The following CCBE1 variants were observed in gnomAD, a reference collection of about 807,000 sequenced individuals.
The protein encoded by CCBE1 is collagen and calcium-binding EGF domain-containing protein 1.
In CCBE1, 37 loss-of-function variants were observed where a neutral mutation model predicts 50.0. That is an observed-to-expected ratio of 0.74 (90% confidence interval 0.57 to 0.97). The LOEUF is 0.97. Ranked by LOEUF, CCBE1 falls within the 50% of genes least tolerant of loss-of-function variation. The pLI, the probability that CCBE1 is intolerant of heterozygous loss-of-function variation, is 0.00. For synonymous variants in CCBE1, 234 were observed against 203.7 expected (o/e 1.15, Z -1.27); for missense variants, 538 against 523.8 (o/e 1.03, Z -0.26).
rs114902596 is a variant in CCBE1, at chr18:59,648,968, C to T, written c.212+47661G>A. Among the ~76,000 whole-genome samples, 1,129 of 152,338 alleles carry T rather than the reference C, an allele frequency of 7.4e-3. 7 individuals are homozygous for T. The highest frequency in any genetic ancestry group is 0.025 in the African/African-American group (1,038 of 41,578). ...TGGTGTCATCAGCTGATAATGCATA[C>T]ATCTACATCTGATCCCTACTGACAC... On this transcript the variant is annotated intron_variant, in intron 2 of 10. Coordinates refer to ENST00000439986, the MANE Select transcript of CCBE1 (RefSeq NM_133459.4).
intron 2 of CCBE1, among the ~76,000 whole-genome samples, chr18:59,535,955 T>C (rs1024803467): frequency 6.6e-6 from 1 of 152,212 alleles, no homozygotes; most frequent in Admixed American, 6.5e-5. Flanking sequence ...CCCAAAGTGT[T>C]TGGATTACAG....
intron 2 of CCBE1, among the ~76,000 whole-genome samples, chr18:59,642,124 A>G (rs2053998946): frequency 6.6e-6 from 1 of 152,240 alleles, no homozygotes; most frequent in African/African-American, 2.4e-5. Flanking sequence ...CTGACAAAGT[A>G]TTAGTATTAA....
chr18:59,567,107 G>A (rs765193082), intron 2 of CCBE1, among the ~76,000 whole-genome samples: 5 of 151,990 alleles, frequency 3.3e-5, no homozygotes, highest in Admixed American at 1.3e-4. Context: ...GGTTTTAAAC[G>A]CATTTTTTCT....
At chr18:59,553,240 A>G (rs1915992982) in intron 2 of CCBE1, among the ~76,000 whole-genome samples, 1 of 152,166 alleles carries the variant, frequency 6.6e-6, no homozygotes, top group African/African-American at 2.4e-5. Flanking sequence ...CATCACAGTC[A>G]TTAATTTAAT....
chr18:59,474,885 T>A (rs643549), intron 3 of CCBE1, among the ~76,000 whole-genome samples: 15 of 152,014 alleles, frequency 9.9e-5, no homozygotes, highest in African/African-American at 3.6e-4. Flanking sequence ...TTCAACCTTT[T>A]GGATTGTGCT....
chr18:59,501,251 T>C (rs375415715), intron 2 of CCBE1, among the ~76,000 whole-genome samples: 66 of 152,328 alleles, frequency 4.3e-4, no homozygotes, highest in African/African-American at 1.4e-3. Context: ...TTGGGGACCC[T>C]GTCCTGGGGC....
intron 2 of CCBE1, among the ~76,000 whole-genome samples, chr18:59,689,019 T>C (rs1172610360): frequency 6.6e-6 from 1 of 152,190 alleles, no homozygotes; most frequent in Non-Finnish European, 1.5e-5. Context: ...ATCTGGGACT[T>C]TGGGGGCCAA....
intron 2 of CCBE1, among the ~76,000 whole-genome samples, chr18:59,658,974 G>A (rs1340753458): frequency 6.6e-6 from 1 of 151,198 alleles, no homozygotes; most frequent in African/African-American, 2.4e-5. Flanking sequence ...GTGATGCTCA[G>A]GGTTCCATAA....
At chr18:59,463,642 C>G (rs1911597388) in intron 5 of CCBE1, among the ~76,000 whole-genome samples, 1 of 150,522 alleles carries the variant, frequency 6.6e-6, no homozygotes, top group Non-Finnish European at 1.5e-5. Context: ...CCGCAGGCCA[C>G]TCTCCCTCAC....
intron 4 of CCBE1, among the ~76,000 whole-genome samples, 160 bp from the exon 5 acceptor site, chr18:59,467,051 G>A (rs1372936476): frequency 6.6e-6 from 1 of 152,258 alleles, no homozygotes; most frequent in African/African-American, 2.4e-5. Flanking sequence ...AGAAATGTGG[G>A]TCATCCATAA....
intron 2 of CCBE1, among the ~76,000 whole-genome samples, chr18:59,552,838 G>A (rs1411570149): frequency 6.6e-6 from 1 of 152,184 alleles, no homozygotes; most frequent in Non-Finnish European, 1.5e-5. Flanking sequence ...TGAAATGAAT[G>A]TTTCGATTTG....
intron 2 of CCBE1, among the ~76,000 whole-genome samples, chr18:59,650,272 C>T (rs2054109752): frequency 2.0e-5 from 3 of 151,204 alleles, no homozygotes; most frequent in Admixed American, 1.3e-4. Context: ...TGCCCAGATA[C>T]AAAGTCAGGT....
At chr18:59,546,773 A>G (rs112565787) in intron 2 of CCBE1, among the ~76,000 whole-genome samples, 3,707 of 152,234 alleles carry the variant, frequency 0.024, 137 homozygotes, top group African/African-American at 0.084. Context: ...TGACATAGTC[A>G]AATATGTTAC....
intron 2 of CCBE1, among the ~76,000 whole-genome samples, chr18:59,651,459 G>C (rs559175124): frequency 6.6e-6 from 1 of 152,186 alleles, no homozygotes; most frequent in Non-Finnish European, 1.5e-5. Flanking sequence ...GCTCAGTTTA[G>C]CTCCTTTTTC....
intron 2 of CCBE1, among the ~76,000 whole-genome samples, chr18:59,600,825 C>G (rs1215188246): frequency 6.6e-6 from 1 of 152,040 alleles, no homozygotes; most frequent in African/African-American, 2.4e-5. Flanking sequence ...TTCACCTCAT[C>G]CCCTAGCCTT....
chr18:59,654,879 G>A (rs186060914), intron 2 of CCBE1, among the ~76,000 whole-genome samples: 6 of 151,346 alleles, frequency 4.0e-5, no homozygotes, highest in Admixed American at 1.3e-4. Context: ...GAGGCAGGTG[G>A]ATCACTTGAG....
At chr18:59,514,512 C>T (rs4558500) in intron 2 of CCBE1, among the ~76,000 whole-genome samples, 111,983 of 151,856 alleles carry the variant, frequency 0.74, 42,193 homozygotes, top group East Asian at 0.99. Flanking sequence ...TTCGGCTGGC[C>T]CAGACTCCGA....
Position 59,696,719 on chromosome 18 carries a change from A to C in CCBE1, c.132-10T>G, listed in dbSNP as rs1293902126. Reference sequence around the variant, plus strand: ...CTCTGAGCAGATTTCTCTATGAAAAAGTGCAGAGGAAATGTTCGATTCTCA... The same window carrying C: ...CTCTGAGCAGATTTCTCTATGAAAACGTGCAGAGGAAATGTTCGATTCTCA... On this transcript the variant is annotated splice_polypyrimidine_tract_variant and intron_variant, in intron 1 of 10. Transcript: ENST00000439986. 6.2e-7 allele frequency: 1 copy of C among 1,613,528 alleles called. No homozygotes were observed.
At chr18:59,487,750 C>A (rs115377708) in intron 2 of CCBE1, among the ~76,000 whole-genome samples, 1 of 152,152 alleles carries the variant, frequency 6.6e-6, no homozygotes, top group Non-Finnish European at 1.5e-5. Flanking sequence ...CGTACAATTA[C>A]TGATGGTCAA....
Sources: allele counts gnomAD v4.1 joint callset (sites outside exome capture counted in the v4.1 genomes callset), GRCh38; gene constraint gnomAD v4.1.1; transcripts MANE v1.5; gene names NCBI Gene and HGNC (gene_info 2026-07-23, HGNC 2026-07-21).